Variants in ZNF804B observed in about 807,000 individuals in gnomAD.
ZNF804B encodes zinc finger 804B.
A neutral mutation model predicts 101.4 loss-of-function variants in ZNF804B; 80 were observed. That is an observed-to-expected ratio of 0.79 (90% CI 0.66 to 0.95). The LOEUF is 0.95. Ranked by LOEUF, ZNF804B falls within the 40% of genes least tolerant of loss-of-function variation. The pLI is 0.00. For missense variants in ZNF804B, 1,673 were observed against 1,561.9 expected, an observed-to-expected ratio of 1.07 and a Z score of -1.20; for synonymous variants, 622 against 558.8, an observed-to-expected ratio of 1.11 and a Z score of -1.59.
At chr7:89,191,932 C>CA (rs1180354076) in intron 1 of ZNF804B, among the ~76,000 whole-genome samples, 2 of 151,846 alleles carry the variant, frequency 1.3e-5, no homozygotes, top group Non-Finnish European at 2.9e-5. Context: ...GTATAATTTA[C>CA]AAAAACTATG....
chr7:89,206,916 T>G (rs1788722452), intron 1 of ZNF804B, among the ~76,000 whole-genome samples: 1 of 152,244 alleles, frequency 6.6e-6, no homozygotes, highest in African/African-American at 2.4e-5. Flanking sequence ...AGGAGCAAAG[T>G]GCTGCCAGTC....
intron 2 of ZNF804B, among the ~76,000 whole-genome samples, chr7:89,257,889 C>T (rs549682558): frequency 2.1e-3 from 319 of 151,848 alleles, no homozygotes; most frequent in African/African-American, 7.2e-3. Flanking sequence ...TGTAATCACT[C>T]TTTTTTTTCC....
At chr7:89,125,701 C>T (rs559691300) in intron 1 of ZNF804B, among the ~76,000 whole-genome samples, 25 of 152,114 alleles carry the variant, frequency 1.6e-4, no homozygotes, top group East Asian at 3.9e-4. Flanking sequence ...AGTATCTTAG[C>T]GTGTTTGGTA....
chr7:89,103,067 T>TTTTTTTTTTTTTTTTTTTTTTC (rs1790084662), intron 1 of ZNF804B, among the ~76,000 whole-genome samples: 1 of 139,926 alleles, frequency 7.1e-6, no homozygotes, highest in African/African-American at 2.7e-5. Context: ...TTTTTTTTTT[T>TTTTTTTTTTTTTTTTTTTTTTC]TTTTTTTTTT....
chr7:89,099,719 A>G (rs145270083), intron 1 of ZNF804B, among the ~76,000 whole-genome samples: 2,285 of 152,308 alleles, frequency 0.015, 65 homozygotes, highest in African/African-American at 0.052. Context: ...GTAAGCCATC[A>G]TCCCATCTAG....
intron 1 of ZNF804B, among the ~76,000 whole-genome samples, chr7:88,819,159 C>T (rs900153474): frequency 5.3e-5 from 8 of 151,964 alleles, no homozygotes; most frequent in South Asian, 2.1e-4. Context: ...AGTCTCTTTC[C>T]GTCACCCAGG....
rs369994694 is a variant in ZNF804B, at chr7:88,805,623, A to G, written c.108+45539A>G. On this transcript the variant is annotated intron_variant, in intron 1 of 3. Transcript: ENST00000333190. ...GTACGATCACTTTTTTTGTGAAGAC[A>G]ATTTTGTGAAAATATAAAAGGGTGA... Among the ~76,000 whole-genome samples, 4 of 152,160 alleles carry G rather than the reference A, an allele frequency of 2.6e-5. No individual in the cohort carries two copies. The East Asian group carries it at 5.8e-4, about 22-fold the overall frequency.
intron 1 of ZNF804B, among the ~76,000 whole-genome samples, chr7:88,819,732 A>C (rs1001009091): frequency 6.6e-6 from 1 of 152,220 alleles, no homozygotes; most frequent in Non-Finnish European, 1.5e-5. Flanking sequence ...GCTAGGTAGA[A>C]AGTCATTATA....
At chr7:88,763,518 A>T (rs1789929610) in intron 1 of ZNF804B, among the ~76,000 whole-genome samples, 2 of 151,962 alleles carry the variant, frequency 1.3e-5, no homozygotes, top group Admixed American at 6.6e-5. Flanking sequence ...TTGAGTAGAG[A>T]TAGTTTATAC....
rs1306164153 is a variant in ZNF804B at position 89,094,937 on chromosome 7, A to G, written c.109-123218A>G. Among the ~76,000 whole-genome samples, 3 of 152,198 alleles carry G rather than the reference A, an allele frequency of 2.0e-5. No individual in the cohort carries two copies. The East Asian group carries it at 5.8e-4, about 29-fold the overall frequency. ...CCTAGCAATATCTATCATGGTCTTC[A>G]TTTATTTTCAATAAATACGAAAGTT... On this transcript the variant is annotated intron_variant, in intron 1 of 3. Coordinates refer to ENST00000333190, the MANE Select transcript of ZNF804B (RefSeq NM_181646.5).
At chr7:89,188,040 G>C (rs1259063590) in intron 1 of ZNF804B, among the ~76,000 whole-genome samples, 1 of 151,976 alleles carries the variant, frequency 6.6e-6, no homozygotes, top group Non-Finnish European at 1.5e-5. Flanking sequence ...TCATTTTACT[G>C]TGTTTCTCAG....
intron 1 of ZNF804B, among the ~76,000 whole-genome samples, chr7:88,765,252 C>G (rs541050456): frequency 6.6e-6 from 1 of 152,214 alleles, no homozygotes; most frequent in African/African-American, 2.4e-5. Context: ...AATGAACTCT[C>G]TGTTTTAGGT....
At chr7:89,195,555 A>G (rs919618093) in intron 1 of ZNF804B, among the ~76,000 whole-genome samples, 2 of 151,156 alleles carry the variant, frequency 1.3e-5, no homozygotes, top group Non-Finnish European at 2.9e-5. Context: ...ACAGACAAAC[A>G]GAGAGCCAAA....
At chr7:89,326,257 T>G (rs1790894122) in intron 2 of ZNF804B, among the ~76,000 whole-genome samples, 2 of 152,072 alleles carry the variant, frequency 1.3e-5, no homozygotes, top group Non-Finnish European at 2.9e-5. Flanking sequence ...ATATTCTCTC[T>G]TTGAAAGACC....
chr7:89,239,962 A>C (rs1789342176), intron 2 of ZNF804B, among the ~76,000 whole-genome samples: 2 of 151,864 alleles, frequency 1.3e-5, no homozygotes, highest in African/African-American at 4.8e-5. Flanking sequence ...TTATGTCATT[A>C]ATGGTATCTA....
chr7:88,782,102 CGTGTGTGT>C (rs72225764), intron 1 of ZNF804B, among the ~76,000 whole-genome samples: 3,174 of 142,074 alleles, frequency 0.022, 34 homozygotes, highest in Non-Finnish European at 0.029. Flanking sequence ...TGTGTGAGTG[CGTGTGTGT>C]GTGTGTGTGT....
In ZNF804B at chr7:88,768,672, A is replaced by G. The variant is rs990493571; in HGVS notation, c.108+8588A>G. Among the ~76,000 whole-genome samples, 5 of 152,346 alleles carry G rather than the reference A, an allele frequency of 3.3e-5. No individual in the cohort carries two copies. The East Asian group carries it at 9.6e-4, about 29-fold the overall frequency. Reference sequence around the variant, plus strand: ...GGCAGAAGTTGCCATGAGCCGAGATAGCACCACTGCACTCCAGCCTGGGTG... The same window carrying G: ...GGCAGAAGTTGCCATGAGCCGAGATGGCACCACTGCACTCCAGCCTGGGTG... On this transcript the variant is annotated intron_variant, in intron 1 of 3. Coordinates refer to ENST00000333190, the MANE Select transcript of ZNF804B (RefSeq NM_181646.5).
chr7:88,776,408 C>T (rs3890882), intron 1 of ZNF804B, among the ~76,000 whole-genome samples: 72,289 of 151,920 alleles, frequency 0.48, 20,763 homozygotes, highest in East Asian at 0.79. Context: ...CAGTTAGCAT[C>T]ATGTTGAGCA....
chr7:88,988,901 C>G (rs1430034591), intron 1 of ZNF804B, among the ~76,000 whole-genome samples: 1 of 152,100 alleles, frequency 6.6e-6, no homozygotes, highest in African/African-American at 2.4e-5. Flanking sequence ...CCCATTAAAT[C>G]AGTGGGTTCC....
Sources: allele counts gnomAD v4.1 joint callset (sites outside exome capture counted in the v4.1 genomes callset), GRCh38; gene constraint gnomAD v4.1.1; transcripts MANE v1.5; gene names NCBI Gene and HGNC (gene_info 2026-07-23, HGNC 2026-07-21).